FAT3: variants seen among roughly 807,000 people sequenced by gnomAD.
FAT3 encodes FAT atypical cadherin 3.
A neutral mutation model predicts 310.2 loss-of-function variants in FAT3; 95 were observed. That is an observed-to-expected ratio of 0.31 (90% CI 0.26 to 0.36). The LOEUF (loss-of-function observed/expected upper bound fraction) is 0.36, where lower values mean the gene tolerates loss of function less well. Among genes scored for constraint, FAT3 ranks in the 10% least tolerant of loss-of-function variants. The pLI is 1.00. For missense variants in FAT3, 5,408 were observed against 5,715.6 expected, an observed-to-expected ratio of 0.95 and a Z score of 1.74; for synonymous variants, 2,314 against 2,192.9, an observed-to-expected ratio of 1.06 and a Z score of -1.54.
At chr11:92,566,491 C>T (rs1437123929) in intron 3 of FAT3, among the ~76,000 whole-genome samples, 1 of 151,842 alleles carries the variant, frequency 6.6e-6, no homozygotes, top group Non-Finnish European at 1.5e-5. Flanking sequence ...AATGCCATCC[C>T]CATCAAGCTA....
At chr11:92,230,477 A>G (rs1363661006) in intron 1 of FAT3, among the ~76,000 whole-genome samples, 1 of 151,984 alleles carries the variant, frequency 6.6e-6, no homozygotes, top group Non-Finnish European at 1.5e-5. Context: ...TATTTTTAGT[A>G]GACAGGGTGT....
intron 3 of FAT3, among the ~76,000 whole-genome samples, chr11:92,625,365 T>A (rs1212938504): frequency 1.3e-5 from 2 of 152,194 alleles, no homozygotes; most frequent in African/African-American, 2.4e-5. Flanking sequence ...CTGTCCATCT[T>A]ATACACTGGC....
At chr11:92,316,036 A>T (rs1032081186) in intron 1 of FAT3, among the ~76,000 whole-genome samples, 1 of 152,096 alleles carries the variant, frequency 6.6e-6, no homozygotes, top group African/African-American at 2.4e-5. Flanking sequence ...TGATGAAATC[A>T]TTAAAAGATT....
chr11:92,227,917 T>G (rs1055095616), intron 1 of FAT3, among the ~76,000 whole-genome samples: 3 of 113,104 alleles, frequency 2.7e-5, no homozygotes, highest in African/African-American at 8.9e-5. Context: ...GGGGGAAGTT[T>G]TTTTTATTTT....
chr11:92,777,155 C>T (rs1293769898), intron 7 of FAT3, among the ~76,000 whole-genome samples: 2 of 152,184 alleles, frequency 1.3e-5, no homozygotes, highest in Admixed American at 6.5e-5. Context: ...AAATAAATGT[C>T]CTGTAGCCCC....
At chr11:92,535,988 C>G (rs756219428) in intron 3 of FAT3, among the ~76,000 whole-genome samples, 5 of 152,168 alleles carry the variant, frequency 3.3e-5, no homozygotes, top group Non-Finnish European at 4.4e-5. Flanking sequence ...AAGTTGCTAT[C>G]TGAATAGTTT....
At chr11:92,621,244 T>G (rs1471852676) in intron 3 of FAT3, among the ~76,000 whole-genome samples, 1 of 152,170 alleles carries the variant, frequency 6.6e-6, no homozygotes, top group Non-Finnish European at 1.5e-5. Context: ...TAGTTACATA[T>G]GCTCTGGGTT....
At chr11:92,263,618 A>AGTGTGTGTGT (rs555917659) in intron 1 of FAT3, among the ~76,000 whole-genome samples, 115 of 147,590 alleles carry the variant, frequency 7.8e-4, no homozygotes, top group African/African-American at 2.7e-3. Flanking sequence ...TTTGAATATA[A>AGTGTGTGTGT]GTGTGTGTGT....
chr11:92,877,931 C>A (rs1046262202), intron 22 of FAT3, among the ~76,000 whole-genome samples: 2 of 152,186 alleles, frequency 1.3e-5, no homozygotes, highest in African/African-American at 2.4e-5. Context: ...AACATTATAG[C>A]TTAGCCTAGC....
At chr11:92,766,363 C>T (rs3907394) in intron 6 of FAT3, among the ~76,000 whole-genome samples, 2,875 of 152,252 alleles carry the variant, frequency 0.019, 36 homozygotes, top group Non-Finnish European at 0.028. Flanking sequence ...GAGAGTCGGT[C>T]TGGGGGAATC....
chr11:92,858,600 G>C (rs915622419), intron 20 of FAT3, among the ~76,000 whole-genome samples: 1 of 152,184 alleles, frequency 6.6e-6, no homozygotes, highest in East Asian at 1.9e-4. Context: ...CAAAATTTAA[G>C]GGGAGCCTCG....
intron 2 of FAT3, among the ~76,000 whole-genome samples, chr11:92,459,040 T>A (rs1951571316): frequency 6.6e-6 from 1 of 152,232 alleles, no homozygotes; most frequent in South Asian, 2.1e-4. Flanking sequence ...AGGCATTCAC[T>A]GACAACTTTG....
At chr11:92,776,755 G>C (rs920826147) in intron 7 of FAT3, among the ~76,000 whole-genome samples, 2 of 152,172 alleles carry the variant, frequency 1.3e-5, no homozygotes, top group Non-Finnish European at 2.9e-5. Context: ...CTTGTCTAAA[G>C]TATTCAAGTC....
chr11:92,790,167 T>G lies in FAT3; in HGVS notation c.4560T>G (p.Thr1520=), dbSNP rs1947001535. The G allele has an allele frequency of 3.1e-6, 5 of 1,613,792 alleles. No homozygotes were observed. In the African/African-American group the frequency reaches 6.7e-5, roughly 22 times the overall value. Residue 1520 remains threonine (T), a synonymous_variant, in exon 8 of 28, where the codon ACT becomes ACG. Coordinates refer to ENST00000525166, the MANE Select transcript of FAT3 (RefSeq NM_001367949.2). ...ACCCTAGCACTGGCGTGCTCTATAC[T>G]GCCGAGAGGCTGGACCATGAGGCCC... The part of the protein sequence containing the change: ...RIDPSTGVLY[T]AERLDHEAQD...
At chr11:92,863,555 A>G (rs1002867669) in intron 21 of FAT3, among the ~76,000 whole-genome samples, 1 of 152,212 alleles carries the variant, frequency 6.6e-6, no homozygotes, top group Non-Finnish European at 1.5e-5. Context: ...TCTCTCAATT[A>G]TGTATTTCAT....
chr11:92,818,648 T>C (rs1317141586), intron 13 of FAT3, among the ~76,000 whole-genome samples: 2 of 152,204 alleles, frequency 1.3e-5, no homozygotes, highest in Non-Finnish European at 2.9e-5. Context: ...GGGAAAGCTC[T>C]GATGATTAGT....
intron 2 of FAT3, among the ~76,000 whole-genome samples, chr11:92,359,313 A>T (rs1023175318): frequency 1.3e-5 from 2 of 152,208 alleles, no homozygotes; most frequent in African/African-American, 4.8e-5. Context: ...AAATTTTACA[A>T]TTCAAATAAT....
chr11:92,812,933 C>T (rs532124965), intron 13 of FAT3, among the ~76,000 whole-genome samples: 1 of 152,256 alleles, frequency 6.6e-6, no homozygotes, highest in African/African-American at 2.4e-5. Context: ...ATCATGGGGG[C>T]GGTTATCCTC....
intron 4 of FAT3, among the ~76,000 whole-genome samples, chr11:92,758,871 G>T (rs1946071790): frequency 1.3e-5 from 2 of 152,168 alleles, no homozygotes. Context: ...ATTCTAGTGT[G>T]CACCAGTGTG....
Sources: gnomAD v4.1 joint callset for allele counts (sites outside exome capture counted in the v4.1 genomes callset) on GRCh38, gnomAD v4.1.1 for gene constraint, MANE v1.5 for transcripts, NCBI Gene and HGNC (gene_info 2026-07-23, HGNC 2026-07-21) for gene names.